ACADL: variants seen among roughly 807,000 people sequenced by gnomAD.
ACADL encodes the protein acyl-CoA dehydrogenase long chain.
ACADL carries 60 observed loss-of-function variants against 56.9 expected under a neutral mutation model. That is an observed-to-expected ratio of 1.05 (90% confidence interval 0.86 to 1.31). The LOEUF is 1.31. Ranked by LOEUF, ACADL falls within the 50% of genes most tolerant of loss-of-function variation. ACADL has a pLI of 0.00. For synonymous variants in ACADL, 158 were observed against 179.7 expected (o/e 0.88, Z 0.97); for missense variants, 484 against 525.5 (o/e 0.92, Z 0.77).
intron 8 of ACADL, among the ~76,000 whole-genome samples, chr2:210,200,811 T>C (rs1688780256): frequency 6.6e-6 from 1 of 152,084 alleles, no homozygotes; most frequent in Admixed American, 6.5e-5. Flanking sequence ...AAGTAGATGG[T>C]AAAAAGGTCT....
chr2:210,206,782 G>A (rs1393935945), intron 5 of ACADL, among the ~76,000 whole-genome samples: 2 of 151,944 alleles, frequency 1.3e-5, no homozygotes, highest in East Asian at 1.9e-4. Flanking sequence ...CTTTATTTAA[G>A]CCATGTTTCT....
Position 210,216,386 on chromosome 2 carries a change from C to G in ACADL, c.497G>C (p.Cys166Ser). Residue 166 changes from cysteine (C) to serine (S), a missense_variant, in exon 4 of 11, where the codon TGT becomes TCT. Coordinates refer to ENST00000233710, the MANE Select transcript of ACADL (RefSeq NM_001608.4). ...HFIPQMTAGK[C>S]IGAIAMTEPG... ...CTCTGTCATTGCTATTGCACCAATA[C>G]ATTTGCCTGCAGTCATCTGGGGAAT... 1 of 1,613,864 alleles carries G rather than the reference C, an allele frequency of 6.2e-7. No homozygotes were observed. The highest frequency in any genetic ancestry group is 8.5e-7 in the Non-Finnish European group (1 of 1,179,822).
At chr2:210,212,140 T>A (rs1246718609) in intron 4 of ACADL, among the ~76,000 whole-genome samples, 1 of 151,992 alleles carries the variant, frequency 6.6e-6, no homozygotes, top group South Asian at 2.1e-4. Context: ...GTTGCATTTT[T>A]TTTTTTTTTA....
intron 1 of ACADL, chr2:210,224,344 CAGGAAAAGT>C (rs958111934): frequency 4.6e-5 from 45 of 973,238 alleles, no homozygotes; most frequent in Non-Finnish European, 5.0e-5. Flanking sequence ...CAAATCTCCC[CAGGAAAAGT>C]AGGCATTTTG....
chr2:210,195,185 C>G (rs1194244377), intron 9 of ACADL, 26 bp downstream of exon 9: 4 of 1,613,498 alleles, frequency 2.5e-6, no homozygotes, highest in Non-Finnish European at 3.4e-6. Flanking sequence ...GCACACACCG[C>G]ACTCTAATTA....
Position 210,217,971 on chromosome 2 carries a change from TC to T in ACADL, c.364del (p.Glu122ArgfsTer40). The T allele has an allele frequency of 2.5e-6, 4 of 1,614,022 alleles. No individual in the cohort carries two copies. Among genetic ancestry groups the T allele is most frequent in the Non-Finnish European group, 2.5e-6 (3 of 1,179,964 alleles). ...TAAAAGTCTCCATACTTACTGCTCC[TC>T]CCAGACAATAGCTGCGGAGTACAGA... The part of the protein sequence containing the change: ...GDLYSAAIVW[E>X]EQAYSNCSGP... On this transcript the variant is annotated frameshift_variant, in exon 3 of 11. Transcript: ENST00000233710. LOFTEE classifies it high-confidence loss of function.
At chr2:210,215,842 T>G (rs1689077008) in intron 4 of ACADL, among the ~76,000 whole-genome samples, 1 of 152,216 alleles carries the variant, frequency 6.6e-6, no homozygotes, top group African/African-American at 2.4e-5. Flanking sequence ...TGCTTATTTC[T>G]TGCCCTTGCC....
At chr2:210,207,003 A>G (rs1488790342) in intron 5 of ACADL, among the ~76,000 whole-genome samples, 1 of 152,152 alleles carries the variant, frequency 6.6e-6, no homozygotes, top group Non-Finnish European at 1.5e-5. Context: ...CTGATTATCA[A>G]CCTATTTCCC....
chr2:210,224,095 C>T (rs77140618), intron 1 of ACADL, among the ~76,000 whole-genome samples: 1,866 of 151,920 alleles, frequency 0.012, 42 homozygotes, highest in African/African-American at 0.043. Flanking sequence ...GTGGTGCGTG[C>T]CTGTAGTCCC....
Position 210,203,346 on chromosome 2 carries a change from T to C in ACADL, c.969A>G (p.Thr323=). The C allele has an allele frequency of 6.2e-7, 1 of 1,612,874 alleles. No individual in the cohort carries two copies. Among genetic ancestry groups the C allele is most frequent in the Non-Finnish European group, 8.5e-7 (1 of 1,179,176 alleles). Residue 323 remains threonine, a synonymous_variant, in exon 8 of 11, where the codon ACA becomes ACG. Coordinates refer to ENST00000233710, the MANE Select transcript of ACADL (RefSeq NM_001608.4). ...ACAAGCTTACCTGTAGGTGAGCAAC[T>C]GTTTTGCCAAAAGCTTTTCTTTGTT... ...YVKQRKAFGK[T]VAHLQTVQHK...
chr2:210,192,201 A>T (rs1259640216), intron 10 of ACADL, among the ~76,000 whole-genome samples: 1 of 149,396 alleles, frequency 6.7e-6, no homozygotes, highest in African/African-American at 2.5e-5. Context: ...AAAAAGTAGT[A>T]TTTGGCCGGA....
intron 4 of ACADL, among the ~76,000 whole-genome samples, chr2:210,211,143 A>G (rs1688971688): frequency 6.6e-6 from 1 of 152,178 alleles, no homozygotes; most frequent in Admixed American, 6.5e-5. Context: ...TATCTTTCCA[A>G]TATTTTTCTA....
At chr2:210,221,149 G>A (rs369949715) in intron 1 of ACADL, among the ~76,000 whole-genome samples, 11 of 152,188 alleles carry the variant, frequency 7.2e-5, no homozygotes, top group African/African-American at 1.7e-4. Context: ...CAAATAGTAC[G>A]GTAGAGTAAT....
At position 210,187,996 on chromosome 2, in the gene ACADL, A is replaced by ATGAGGAAATGCTTAAAAGCAT. The variant is rs1688573965; in HGVS notation, c.*964_*965insATGCTTTTAAGCATTTCCTCA. ...TCAAATGTCATTTCCTCACTTTTGA[A>ATGAGGAAATGCTTAAAAGCAT]TTTTAAATGCTTACTTTATTATTTA... On this transcript the variant is annotated 3_prime_UTR_variant, in exon 11 of 11. Transcript: ENST00000233710. The ATGAGGAAATGCTTAAAAGCAT allele has an allele frequency of 6.6e-6, 1 of 152,100 alleles. No individual in the cohort carries two copies. The highest frequency in any genetic ancestry group is 2.4e-5 in the African/African-American group (1 of 41,422). The allele number at this position is 152,100 out of a possible 1,614,324, so 9.4% of individuals were successfully genotyped here.
intron 5 of ACADL, among the ~76,000 whole-genome samples, chr2:210,207,643 ATC>A (rs1410108780): frequency 6.6e-6 from 1 of 152,144 alleles, no homozygotes; most frequent in Non-Finnish European, 1.5e-5. Context: ...ATCTGTTTTT[ATC>A]TCTCTCTCTT....
At chr2:210,215,247 T>C (rs1689066915) in intron 4 of ACADL, among the ~76,000 whole-genome samples, 1 of 151,932 alleles carries the variant, frequency 6.6e-6, no homozygotes, top group African/African-American at 2.4e-5. Flanking sequence ...AAAGATTACT[T>C]TGTGTTCTCT....
At chr2:210,218,234 G>A (rs981259045) in intron 2 of ACADL, 132 bp from the exon 3 acceptor site, 40 of 804,954 alleles carry the variant, frequency 5.0e-5, no homozygotes, top group Non-Finnish European at 1.4e-5. Context: ...TTAGCCATAT[G>A]CTTCTATTTG....
chr2:210,213,643 A>G (rs1559639543), intron 4 of ACADL, among the ~76,000 whole-genome samples: 1 of 152,206 alleles, frequency 6.6e-6, no homozygotes, highest in Non-Finnish European at 1.5e-5. Context: ...AAAGCCAACA[A>G]GTTAGACCCT....
intron 8 of ACADL, among the ~76,000 whole-genome samples, chr2:210,199,168 G>T (rs1688755830): frequency 6.6e-6 from 1 of 152,026 alleles, no homozygotes; most frequent in Non-Finnish European, 1.5e-5. Context: ...CAAGGTATAG[G>T]TATGTACAGT....
Sources: gnomAD v4.1 joint callset for allele counts (sites outside exome capture counted in the v4.1 genomes callset) on GRCh38, gnomAD v4.1.1 for gene constraint, MANE v1.5 for transcripts, NCBI Gene and HGNC (gene_info 2026-07-23, HGNC 2026-07-21) for gene names.